Variants in XIRP2 observed in about 807,000 individuals in gnomAD.
The protein encoded by XIRP2 is xin actin-binding repeat-containing protein 2.
A neutral mutation model predicts 277.0 loss-of-function variants in XIRP2; 236 were observed. That is an observed-to-expected ratio of 0.85 (90% CI 0.77 to 0.95). The LOEUF is 0.95. Among genes scored for constraint, XIRP2 ranks in the 40% least tolerant of loss-of-function variants. The pLI is 0.00. For synonymous variants in XIRP2, 1,490 were observed against 1,416.5 expected, an observed-to-expected ratio of 1.05 and a Z score of -1.17; for missense variants, 4,640 against 4,157.5, an observed-to-expected ratio of 1.12 and a Z score of -3.19.
At chr2:167,020,798 C>T (rs932771275) in intron 2 of XIRP2, among the ~76,000 whole-genome samples, 1 of 151,784 alleles carries the variant, frequency 6.6e-6, no homozygotes, top group Non-Finnish European at 1.5e-5. Flanking sequence ...TTGTTACATC[C>T]CCATCTGATA....
chr2:167,114,580 A>T (rs59272620), intron 2 of XIRP2, among the ~76,000 whole-genome samples: 44,245 of 150,966 alleles, frequency 0.29, 8,968 homozygotes, highest in African/African-American at 0.57. Flanking sequence ...TATCTCCTAA[A>T]GCTATCCCTC....
intron 2 of XIRP2, among the ~76,000 whole-genome samples, chr2:166,905,401 A>G (rs1397877353): frequency 1.3e-5 from 2 of 151,984 alleles, no homozygotes; most frequent in Non-Finnish European, 2.9e-5. Flanking sequence ...GCAACTGCTT[A>G]TATACAACAG....
intron 2 of XIRP2, among the ~76,000 whole-genome samples, chr2:167,120,946 T>C (rs1435038139): frequency 6.6e-6 from 1 of 152,202 alleles, no homozygotes; most frequent in Non-Finnish European, 1.5e-5. Flanking sequence ...GAAATATCTT[T>C]GGGGTAGCTA....
intron 2 of XIRP2, among the ~76,000 whole-genome samples, chr2:167,089,861 G>C (rs1379080911): frequency 6.6e-6 from 1 of 152,002 alleles, no homozygotes; most frequent in Non-Finnish European, 1.5e-5. Flanking sequence ...ATGCAGTTTG[G>C]TAGTAGAGAC....
chr2:167,017,857 A>C (rs1434789222), intron 2 of XIRP2, among the ~76,000 whole-genome samples: 5 of 152,020 alleles, frequency 3.3e-5, no homozygotes, highest in African/African-American at 1.2e-4. Flanking sequence ...CAGATGTCCC[A>C]GCCCATATTT....
intron 2 of XIRP2, among the ~76,000 whole-genome samples, chr2:166,920,314 T>C (rs1173960611): frequency 2.0e-5 from 3 of 152,110 alleles, no homozygotes; most frequent in South Asian, 2.1e-4. Flanking sequence ...AGAGCAGGGA[T>C]TGGAATTCAA....
intron 2 of XIRP2, among the ~76,000 whole-genome samples, chr2:167,066,771 C>T (rs1210571654): frequency 2.6e-5 from 4 of 152,036 alleles, no homozygotes; most frequent in African/African-American, 9.7e-5. Flanking sequence ...GAAAATGTGG[C>T]ATATACACTT....
intron 2 of XIRP2, among the ~76,000 whole-genome samples, chr2:166,976,603 C>T (rs1181178612): frequency 1.3e-5 from 2 of 152,134 alleles, no homozygotes; most frequent in Non-Finnish European, 2.9e-5. Flanking sequence ...ACTTCACAAA[C>T]GTAAGAGCCT....
chr2:167,243,946 A>G lies in XIRP2; in HGVS notation c.2554A>G (p.Ile852Val), dbSNP rs764637095. 9.9e-6 allele frequency: 16 copies of G among 1,613,954 alleles called. No homozygotes were observed. In the South Asian group the frequency reaches 1.6e-4, roughly 17 times the overall value. The change falls in exon 9 of 11, where the codon ATT becomes GTT. Residue 852 changes from isoleucine (I) to valine (V), a missense_variant. Coordinates refer to ENST00000409195, the MANE Select transcript of XIRP2 (RefSeq NM_152381.6). ...GATGTTTGAAACCCAGCCATTAGAC[A>G]TTCTAAAAGAAGTTCCTGATGCAGA... ...CWMFETQPLD[I>V]LKEVPDADSL...
chr2:166,922,511 T>A (rs1344386353), intron 2 of XIRP2, among the ~76,000 whole-genome samples: 1 of 151,534 alleles, frequency 6.6e-6, no homozygotes, highest in Non-Finnish European at 1.5e-5. Flanking sequence ...GTTAAAAGAT[T>A]TTTTTTTTGG....
intron 2 of XIRP2, among the ~76,000 whole-genome samples, chr2:167,078,973 C>T (rs1553484625): frequency 6.6e-6 from 1 of 152,008 alleles, no homozygotes; most frequent in Non-Finnish European, 1.5e-5. Context: ...TTTGCCTATT[C>T]AGTATTATGT....
chr2:167,240,405 A>T (rs539224449), intron 6 of XIRP2, among the ~76,000 whole-genome samples: 1 of 151,936 alleles, frequency 6.6e-6, no homozygotes, highest in Non-Finnish European at 1.5e-5. Flanking sequence ...ACAGTGCAAG[A>T]CTCCTTCTCA....
Position 167,251,377 on chromosome 2 carries a change from C to G in XIRP2, c.9985C>G (p.Pro3329Ala), listed in dbSNP as rs781641292. 1 of 1,613,466 alleles carries G rather than the reference C, an allele frequency of 6.2e-7. No individual in the cohort carries two copies. Among genetic ancestry groups the G allele is most frequent in the Admixed American group, 1.7e-5 (1 of 59,948 alleles). Residue 3329 changes from proline (P) to alanine (A), a missense_variant, in exon 9 of 11, where the codon CCT becomes GCT. Transcript: ENST00000409195. ...AATGGCTGAAAATTTCGTGAATGACCCTGAAAATGAAATAAACAGATGGTT... is the reference window on the plus strand; with the variant it reads ...AATGGCTGAAAATTTCGTGAATGACGCTGAAAATGAAATAAACAGATGGTT... ...VQMAENFVND[P>A]ENEINRWFRE...
At chr2:167,036,203 G>A (rs982909473) in intron 2 of XIRP2, among the ~76,000 whole-genome samples, 2 of 152,202 alleles carry the variant, frequency 1.3e-5, no homozygotes, top group East Asian at 1.9e-4. Flanking sequence ...GTAGAGCTGT[G>A]AGAAGAGGGA....
At chr2:167,165,653 T>A (rs1692503833) in intron 3 of XIRP2, among the ~76,000 whole-genome samples, 1 of 152,212 alleles carries the variant, frequency 6.6e-6, no homozygotes, top group Non-Finnish European at 1.5e-5. Flanking sequence ...TGGTGAGGTG[T>A]CTGTTAAAAT....
At chr2:167,055,318 G>T (rs903679841) in intron 2 of XIRP2, among the ~76,000 whole-genome samples, 4 of 152,178 alleles carry the variant, frequency 2.6e-5, no homozygotes, top group Non-Finnish European at 5.9e-5. Flanking sequence ...TAAATGAGGT[G>T]GAGTAACTCA....
At chr2:167,135,328 A>T (rs1446091536) in intron 2 of XIRP2, among the ~76,000 whole-genome samples, 1 of 152,028 alleles carries the variant, frequency 6.6e-6, no homozygotes, top group African/African-American at 2.4e-5. Flanking sequence ...TATCCTTTAT[A>T]TTTCCTTTCT....
intron 2 of XIRP2, among the ~76,000 whole-genome samples, chr2:167,072,505 A>C (rs530494267): frequency 1.3e-3 from 193 of 152,292 alleles, no homozygotes; most frequent in African/African-American, 4.4e-3. Flanking sequence ...TTGTCATAGC[A>C]ATGATTACAC....
chr2:166,901,860 T>C (rs1684394705), intron 1 of XIRP2, among the ~76,000 whole-genome samples: 2 of 152,140 alleles, frequency 1.3e-5, no homozygotes, highest in Non-Finnish European at 2.9e-5. Flanking sequence ...GTTCAGTCTA[T>C]GGCTTTGTGT....
Sources: allele counts gnomAD v4.1 joint callset (sites outside exome capture counted in the v4.1 genomes callset), GRCh38; gene constraint gnomAD v4.1.1; transcripts MANE v1.5; gene names NCBI Gene and HGNC (gene_info 2026-07-23, HGNC 2026-07-21).